SUMF1: variants seen among roughly 807,000 people sequenced by gnomAD.
SUMF1 encodes sulfatase modifying factor 1.
In SUMF1, 48 loss-of-function variants were observed where a neutral mutation model predicts 47.6. The ratio of observed to expected loss-of-function variants is 1.01; its 90% CI spans 0.80 to 1.28. SUMF1 has a LOEUF of 1.28. Among genes scored for constraint, SUMF1 ranks in the 50% most tolerant of loss-of-function variants. The pLI is 0.00. For missense variants in SUMF1, 571 were observed against 485.4 expected (o/e 1.18, Z -1.66); for synonymous variants, 230 against 192.1 (o/e 1.20, Z -1.63).
chr3:4,385,216 T>C (rs1700634325), intron 7 of SUMF1, among the ~76,000 whole-genome samples: 1 of 152,170 alleles, frequency 6.6e-6, no homozygotes, highest in South Asian at 2.1e-4. Flanking sequence ...AAACGTCAAA[T>C]TGTTTTCCAG....
chr3:4,209,746 G>T (rs1178372930), intron 8 of SUMF1, among the ~76,000 whole-genome samples: 1 of 152,016 alleles, frequency 6.6e-6, no homozygotes, highest in Non-Finnish European at 1.5e-5. Flanking sequence ...ATTTTAGAAA[G>T]ATAAGCATTT....
intron 8 of SUMF1, among the ~76,000 whole-genome samples, chr3:4,175,909 C>T (rs879924580): frequency 3.3e-5 from 5 of 151,746 alleles, no homozygotes; most frequent in East Asian, 1.9e-4. Context: ...CTTCAATAGC[C>T]GATTTGATAA....
At chr3:4,398,990 C>T (rs17040622) in intron 7 of SUMF1, among the ~76,000 whole-genome samples, 5,603 of 152,076 alleles carry the variant, frequency 0.037, 210 homozygotes, top group African/African-American at 0.092. Context: ...GTTCAAAATC[C>T]GGGCCAAAGT....
At chr3:4,084,316 G>A (rs1442440997) in intron 8 of SUMF1, among the ~76,000 whole-genome samples, 2 of 152,118 alleles carry the variant, frequency 1.3e-5, no homozygotes, top group Non-Finnish European at 2.9e-5. Flanking sequence ...AGGCTACTCA[G>A]GAGTAGATGT....
downstream of SUMF1, among the ~76,000 whole-genome samples, chr3:4,359,836 C>A (rs1444013242): frequency 1.3e-5 from 2 of 152,128 alleles, no homozygotes; most frequent in African/African-American, 4.8e-5. Context: ...CGCAGTCAAA[C>A]CATCTCAGTT....
chr3:4,355,661 A>G (rs1687880), intron 8 of SUMF1, among the ~76,000 whole-genome samples: 100,123 of 151,530 alleles, frequency 0.66, 34,515 homozygotes, highest in African/African-American at 0.85. Flanking sequence ...GGTCCAAGCT[A>G]ATATGCTAGA....
intron 8 of SUMF1, among the ~76,000 whole-genome samples, chr3:4,164,468 T>C (rs1694653779): frequency 6.6e-6 from 1 of 152,198 alleles, no homozygotes; most frequent in Non-Finnish European, 1.5e-5. Context: ...GCAGTGCGCC[T>C]TCCAGTGATT....
At chr3:4,447,197 A>T (rs73807240) in intron 3 of SUMF1, among the ~76,000 whole-genome samples, 3,781 of 151,602 alleles carry the variant, frequency 0.025, 58 homozygotes, top group South Asian at 0.054. Flanking sequence ...AGATTTTTTT[A>T]AAAAAAAAGG....
chr3:4,072,387 G>A (rs768442532), intron 8 of SUMF1, among the ~76,000 whole-genome samples: 2 of 152,130 alleles, frequency 1.3e-5, no homozygotes, highest in Non-Finnish European at 2.9e-5. Context: ...AACCAGAGCA[G>A]AAAGCCTGAA....
At chr3:4,363,234 T>A (rs1699828628) in intron 8 of SUMF1, among the ~76,000 whole-genome samples, 1 of 152,122 alleles carries the variant, frequency 6.6e-6, no homozygotes, top group South Asian at 2.1e-4. Flanking sequence ...ATTTATGATA[T>A]TATTTATTAT....
chr3:4,274,086 A>C (rs1697366063), intron 8 of SUMF1, among the ~76,000 whole-genome samples: 1 of 152,076 alleles, frequency 6.6e-6, no homozygotes, highest in African/African-American at 2.4e-5. Context: ...AGCAGCTGGT[A>C]GGAGACTGCC....
chr3:4,211,179 T>C (rs1468571126), intron 8 of SUMF1, among the ~76,000 whole-genome samples: 20 of 93,876 alleles, frequency 2.1e-4, no homozygotes, highest in African/African-American at 8.6e-4. Flanking sequence ...CACACATATA[T>C]ATACATATAC....
At chr3:4,444,269 A>C (rs904047395) in intron 3 of SUMF1, among the ~76,000 whole-genome samples, 2 of 152,334 alleles carry the variant, frequency 1.3e-5, no homozygotes, top group South Asian at 2.1e-4. Flanking sequence ...ATCAACGGGC[A>C]AAAACTCAGG....
chr3:4,374,641 T>C (rs932002607), intron 8 of SUMF1, among the ~76,000 whole-genome samples: 1 of 152,208 alleles, frequency 6.6e-6, no homozygotes, highest in East Asian at 1.9e-4. Flanking sequence ...AAAAGTGCCA[T>C]ATGCCAGAGA....
chr3:4,429,364 C>T (rs1423865212), intron 3 of SUMF1, among the ~76,000 whole-genome samples: 1 of 152,190 alleles, frequency 6.6e-6, no homozygotes, highest in Non-Finnish European at 1.5e-5. Context: ...CTTTACAGGT[C>T]TTTTCCAGTG....
intron 8 of SUMF1, among the ~76,000 whole-genome samples, chr3:4,288,668 T>G (rs1697682071): frequency 6.6e-6 from 1 of 151,978 alleles, no homozygotes; most frequent in Non-Finnish European, 1.5e-5. Flanking sequence ...CATGGTGGCA[T>G]GCACCTGTAA....
intron 8 of SUMF1, chr3:4,316,183 A>G (rs1698636258): frequency 1.5e-6 from 1 of 653,148 alleles, no homozygotes; most frequent in Non-Finnish European, 2.8e-6. Context: ...TGCTAATGAC[A>G]TCTTACTTGC....
chr3:4,364,924 G>A (rs1157550531), intron 8 of SUMF1, among the ~76,000 whole-genome samples: 4 of 150,632 alleles, frequency 2.7e-5, no homozygotes, highest in African/African-American at 9.7e-5. Flanking sequence ...GGTATGTTGT[G>A]TCTTTGTTCT....
intron 8 of SUMF1, among the ~76,000 whole-genome samples, chr3:4,251,700 C>A (rs313676): frequency 0.17 from 25,225 of 152,118 alleles, 2,409 homozygotes; most frequent in South Asian, 0.38. Context: ...TTTGAAAATG[C>A]CAGATAGCAT....
Sources: gnomAD v4.1 joint callset for allele counts (sites outside exome capture counted in the v4.1 genomes callset) on GRCh38, gnomAD v4.1.1 for gene constraint, MANE v1.5 for transcripts, NCBI Gene and HGNC (gene_info 2026-07-23, HGNC 2026-07-21) for gene names.